The following RABGAP1 variants were observed in gnomAD, a reference collection of about 807,000 sequenced individuals.
The protein encoded by RABGAP1 is RAB GTPase activating protein 1.
RABGAP1 carries 23 observed loss-of-function variants against 137.6 expected under a neutral mutation model. The observed-to-expected ratio is 0.17, with a 90% CI of 0.12 to 0.24. RABGAP1 has a LOEUF of 0.24. RABGAP1 is among the 10% of genes least tolerant of loss of function. The pLI is 1.00. For synonymous variants in RABGAP1, 451 were observed against 450.7 expected (o/e 1.00, Z -0.01); for missense variants, 906 against 1,275.8 (o/e 0.71, Z 4.42).
At chr9:123,081,978 C>T (rs1046494979) in intron 19 of RABGAP1, among the ~76,000 whole-genome samples, 5 of 151,768 alleles carry the variant, frequency 3.3e-5, no homozygotes, top group Non-Finnish European at 7.4e-5. Flanking sequence ...TGCAAAGGTT[C>T]AAGAATTAAA....
chr9:123,013,338 C>CT (rs34037664), intron 11 of RABGAP1, among the ~76,000 whole-genome samples: 91,629 of 147,446 alleles, frequency 0.62, 35,175 homozygotes, highest in Non-Finnish European at 0.86. Context: ...TTGAGCCTTT[C>CT]TTTTTTTTTT....
intron 4 of RABGAP1, 137 bp from the exon 5 acceptor site, chr9:122,989,159 AT>A (rs1189393443): frequency 2.6e-6 from 2 of 769,950 alleles, no homozygotes; most frequent in Non-Finnish European, 4.2e-6. Flanking sequence ...TGAGTTACTT[AT>A]TAAAATTTAA....
chr9:122,990,037 C>G lies in RABGAP1; in HGVS notation c.766-19C>G. ...ATATCTTTTGATAACAGCCCATTTCCTAACATGTCTGGTTGTAGGTAAGCC... is the reference window on the plus strand; with the variant it reads ...ATATCTTTTGATAACAGCCCATTTCGTAACATGTCTGGTTGTAGGTAAGCC... On this transcript the variant is annotated intron_variant, in intron 5 of 25. Transcript: ENST00000373647. The G allele has an allele frequency of 6.4e-7, 1 of 1,570,032 alleles. No homozygotes were observed. Among genetic ancestry groups the G allele is most frequent in the Non-Finnish European group, 8.7e-7 (1 of 1,150,164 alleles).
chr9:123,083,762 C>G (rs546091075), intron 19 of RABGAP1, among the ~76,000 whole-genome samples: 1 of 152,270 alleles, frequency 6.6e-6, no homozygotes, highest in Admixed American at 6.5e-5. Flanking sequence ...CTGTGTGACC[C>G]CAGGGTAGGT....
At chr9:123,073,409 T>G (rs2034418092) in intron 15 of RABGAP1, 143 bp from the exon 16 acceptor site, 1 of 981,600 alleles carries the variant, frequency 1.0e-6, no homozygotes, top group Admixed American at 2.4e-5. Context: ...AACACAACCT[T>G]AGGCCTGAGT....
At chr9:122,979,129 GAC>G (rs1835920440) in intron 2 of RABGAP1, among the ~76,000 whole-genome samples, 1 of 151,982 alleles carries the variant, frequency 6.6e-6, no homozygotes, top group South Asian at 2.1e-4. Flanking sequence ...AACTCCTAGA[GAC>G]ACACAGTCCA....
At chr9:123,017,353 C>A (rs1425113436) in intron 12 of RABGAP1, among the ~76,000 whole-genome samples, 1 of 152,124 alleles carries the variant, frequency 6.6e-6, no homozygotes, top group East Asian at 1.9e-4. Flanking sequence ...ATTAACATGT[C>A]TTCCTATTCC....
chr9:122,981,454 T>G (rs529308613), intron 2 of RABGAP1, among the ~76,000 whole-genome samples: 1 of 152,334 alleles, frequency 6.6e-6, no homozygotes, highest in South Asian at 2.1e-4. Flanking sequence ...ATACTGATAA[T>G]TTTTTTGGAT....
At chr9:123,087,700 G>A (rs995695758) in intron 19 of RABGAP1, among the ~76,000 whole-genome samples, 2 of 152,130 alleles carry the variant, frequency 1.3e-5, no homozygotes, top group East Asian at 3.9e-4. Flanking sequence ...TGTCTTCCTG[G>A]CTGTCTAACC....
chr9:122,991,795 G>A (rs1203988643), intron 6 of RABGAP1, among the ~76,000 whole-genome samples: 1 of 151,412 alleles, frequency 6.6e-6, no homozygotes, highest in Non-Finnish European at 1.5e-5. Flanking sequence ...TTCTAGAGAT[G>A]GGGTCTTGCC....
Position 123,103,400 on chromosome 9 carries a change from T to C in RABGAP1, c.*187T>C. The C allele has an allele frequency of 1.2e-6, 1 of 807,402 alleles. No homozygotes were observed. Among genetic ancestry groups the C allele is most frequent in the Non-Finnish European group, 1.9e-6 (1 of 540,044 alleles). 50.0% of individuals were successfully genotyped at this position (807,402 alleles called of 1,614,324 possible). A position where few individuals can be genotyped will look rare whatever the true frequency, so the allele number is the denominator to read the frequency against. ...GCAACCTCTGGGGTAAGACTACTGA[T>C]ACTAACAGGCCTGCTAGCTCAGCCG... On this transcript the variant is annotated 3_prime_UTR_variant, in exon 26 of 26. Coordinates refer to ENST00000373647, the MANE Select transcript of RABGAP1 (RefSeq NM_012197.4).
rs891283043 is a variant in RABGAP1 at position 123,101,475 on chromosome 9, G to A, written c.2890-91G>A. On this transcript the variant is annotated intron_variant, in intron 24 of 25. Coordinates refer to ENST00000373647, the MANE Select transcript of RABGAP1 (RefSeq NM_012197.4). ...AACTGTAGTGCTCAACAGAGAAGCC[G>A]TCTCTTGGTGTCCCCCAAAGGAGAT... is the stretch of plus-strand genomic sequence containing the variant. 7.5e-5 allele frequency: 93 copies of A among 1,235,810 alleles called. No homozygotes were observed. In the Middle Eastern group the frequency reaches 8.1e-4, roughly 11 times the overall value. The allele number at this position is 1,235,810 out of a possible 1,614,324, so 76.6% of individuals were successfully genotyped here.
intron 1 of RABGAP1, among the ~76,000 whole-genome samples, chr9:122,950,326 A>C (rs1242016397): frequency 7.0e-6 from 1 of 143,682 alleles, no homozygotes; most frequent in Non-Finnish European, 1.5e-5. Context: ...GAAAAGGAGG[A>C]GTCAAGATTT....
Position 122,996,095 on chromosome 9 carries a change from TAAG to T in RABGAP1, c.983_985del (p.Lys328del). The T allele has an allele frequency of 6.2e-7, 1 of 1,613,692 alleles. No homozygotes were observed. The highest frequency in any genetic ancestry group is 8.5e-7 in the Non-Finnish European group (1 of 1,179,920). On this transcript the variant is annotated inframe_deletion, in exon 7 of 26. Transcript: ENST00000373647. ...GCTTTAAACTACGCCAAGGAATTGA[TAAG>T]AAGATTGTCATCTATGTGCAGCAAA...
At chr9:122,952,954 C>G (rs1834328623) in intron 1 of RABGAP1, among the ~76,000 whole-genome samples, 2 of 152,166 alleles carry the variant, frequency 1.3e-5, no homozygotes. Context: ...AAATGAGATA[C>G]AAATGTGTAC....
chr9:123,070,705 C>T lies in RABGAP1; in HGVS notation c.1983+281C>T, dbSNP rs560636573. 1.3e-5 allele frequency among the ~76,000 whole-genome samples: 2 copies of T among 152,174 alleles called. No homozygotes were observed. The highest frequency in any genetic ancestry group is 2.4e-5 in the African/African-American group (1 of 41,522). The stretch of plus-strand genomic sequence containing the variant: ...TTAATGTTGGTTGAACTCTTGGGGA[C>T]GTTTTATCTTCTCTAAAGTAGCCGC... On this transcript the variant is annotated intron_variant, in intron 15 of 25. Coordinates refer to ENST00000373647, the MANE Select transcript of RABGAP1 (RefSeq NM_012197.4). This position sits in a 1 kb window ranked among gnomAD's most constrained non-coding sequence, Gnocchi z 4.4.
chr9:122,980,762 A>G (rs1337435069), intron 2 of RABGAP1, among the ~76,000 whole-genome samples: 2 of 152,232 alleles, frequency 1.3e-5, no homozygotes, highest in African/African-American at 2.4e-5. Flanking sequence ...AATGAACTGT[A>G]TAAGTTCCTA....
intron 1 of RABGAP1, among the ~76,000 whole-genome samples, chr9:122,956,159 T>G (rs1333959448): frequency 1.3e-5 from 2 of 152,196 alleles, no homozygotes; most frequent in South Asian, 4.1e-4. Flanking sequence ...GAAACTGTGG[T>G]GTGGGAAGAT....
chr9:122,992,044 CT>C (rs930038020), intron 6 of RABGAP1, among the ~76,000 whole-genome samples: 43 of 148,300 alleles, frequency 2.9e-4, no homozygotes, highest in Non-Finnish European at 4.6e-4. Context: ...TATTTTCTTT[CT>C]TTTTTTTTTG....
Sources: allele counts gnomAD v4.1 joint callset (sites outside exome capture counted in the v4.1 genomes callset), GRCh38; gene constraint gnomAD v4.1.1; non-coding constraint Gnocchi (gnomAD v3.1); transcripts MANE v1.5; gene names NCBI Gene and HGNC (gene_info 2026-07-23, HGNC 2026-07-21).